Variants in BICRA observed in about 807,000 individuals in gnomAD.
The protein encoded by BICRA is BRD4 interacting chromatin remodeling complex associated protein.
Under a neutral mutation model 96.9 loss-of-function variants are expected in BICRA, and 31 were observed. The ratio of observed to expected loss-of-function variants is 0.32; its 90% CI spans 0.24 to 0.43. The LOEUF is 0.43. BICRA is among the 20% of genes least tolerant of loss of function. The pLI is 1.00. For missense variants in BICRA, 2,283 were observed against 2,190.3 expected (o/e 1.04, Z -0.84); for synonymous variants, 1,350 against 1,071.8 (o/e 1.26, Z -5.07).
chr19:47,697,542 A>G (rs890582506), intron 11 of BICRA, among the ~76,000 whole-genome samples: 2 of 150,866 alleles, frequency 1.3e-5, no homozygotes, highest in East Asian at 2.0e-4. Flanking sequence ...CAGTGGTACA[A>G]TCTCGGCTCA....
At position 47,680,844 on chromosome 19, in the gene BICRA, C is replaced by T. The variant is rs764342455; in HGVS notation, c.1674C>T (p.Pro558=). 6.9e-6 allele frequency: 11 copies of T among 1,587,268 alleles called. No individual in the cohort carries two copies. The highest frequency in any genetic ancestry group is 1.8e-5 in the Admixed American group (1 of 56,940). The part of the protein sequence containing the change: ...QVGQPALFQM[P]VSLAAGSLPT... ...GCCAGCCTGCGCTCTTCCAGATGCC[C>T]GTGTCGCTGGCGGCGGGCAGCCTGC... is the stretch of plus-strand genomic sequence containing the variant. Residue 558 remains proline (P), a synonymous_variant, in exon 6 of 15, where the codon CCC becomes CCT. Coordinates refer to ENST00000594866, the MANE Select transcript of BICRA (RefSeq NM_001394372.1).
Position 47,701,316 on chromosome 19 carries a change from C to T in BICRA, c.3596-12C>T, listed in dbSNP as rs762004712. The T allele has an allele frequency of 8.7e-6, 14 of 1,605,184 alleles. No individual in the cohort carries two copies. In the East Asian group the frequency reaches 2.9e-4, roughly 33 times the overall value. On this transcript the variant is annotated splice_polypyrimidine_tract_variant and intron_variant, in intron 14 of 14. Coordinates refer to ENST00000594866, the MANE Select transcript of BICRA (RefSeq NM_001394372.1). The surrounding 1 kb of genome is among the most constrained non-coding windows in gnomAD (Gnocchi z 5.4). ...CCTAACCCCGCGGGTTTTCTTTGCCCCGATTCTGCAGACGAGTACGTGTCT... is the reference window on the plus strand; with the variant it reads ...CCTAACCCCGCGGGTTTTCTTTGCCTCGATTCTGCAGACGAGTACGTGTCT...
At chr19:47,609,190 A>G (rs1555782989) in intron 1 of BICRA, 22 bp downstream of exon 1, 1 of 149,652 alleles carries the variant, frequency 6.7e-6, no homozygotes, top group Non-Finnish European at 1.5e-5. Flanking sequence ...ACAATGTAGC[A>G]ATTTCTCTTT....
chr19:47,696,839 G>T (rs1439483916), intron 11 of BICRA, among the ~76,000 whole-genome samples: 1 of 151,554 alleles, frequency 6.6e-6, no homozygotes, highest in Non-Finnish European at 1.5e-5. Flanking sequence ...CTGGGTGGGT[G>T]AAGTGATGGG....
Position 47,701,168 on chromosome 19 carries a change from G to C in BICRA, c.3596-160G>C. On this transcript the variant is annotated intron_variant, in intron 14 of 14. Transcript: ENST00000594866. The surrounding 1 kb of genome is among the most constrained non-coding windows in gnomAD (Gnocchi z 5.4). ...TTAGAGTTGGGGGAATTTGGGCCTT[G>C]CTGAAGAGGGTCTCACCAAGCCTAT... 1 of 614,714 alleles carries C rather than the reference G, an allele frequency of 1.6e-6. No homozygotes were observed. Among genetic ancestry groups the C allele is most frequent in the East Asian group, 2.8e-5 (1 of 36,022 alleles). The allele number at this position is 614,714 out of a possible 1,614,324, so 38.1% of individuals were successfully genotyped here.
At chr19:47,628,255 G>A (rs1972169477) in intron 1 of BICRA, among the ~76,000 whole-genome samples, 1 of 152,156 alleles carries the variant, frequency 6.6e-6, no homozygotes, top group Admixed American at 6.6e-5. Context: ...CAGTTTTCTA[G>A]ACTTGCACAC....
intron 1 of BICRA, among the ~76,000 whole-genome samples, chr19:47,652,989 A>G (rs1202867224): frequency 7.0e-6 from 1 of 143,734 alleles, no homozygotes; most frequent in Non-Finnish European, 1.5e-5. Flanking sequence ...ATCTTTCCCT[A>G]TCAGTACACA....
chr19:47,696,363 C>A (rs1973342358), intron 10 of BICRA, 88 bp from the exon 11 acceptor site: 1 of 1,253,920 alleles, frequency 8.0e-7, no homozygotes, highest in Non-Finnish European at 1.1e-6. Flanking sequence ...TCCCCTGTCC[C>A]GTCTTTATCC....
intron 1 of BICRA, among the ~76,000 whole-genome samples, chr19:47,638,598 C>T (rs530845910): frequency 8.1e-4 from 99 of 122,274 alleles, no homozygotes; most frequent in Admixed American, 1.2e-3. Flanking sequence ...CTCTCTGTTT[C>T]TCTCTCTCTC....
rs866153315 is a variant in BICRA at position 47,680,091 on chromosome 19, C to G, written c.921C>G (p.Phe307Leu). ...CCACGCTCAATGGGAACTCTGTGTT[C>G]GGAGGCGCGGGGGCCGCCTCGGCTC... The part of the protein sequence containing the change: ...VATTLNGNSV[F>L]GGAGAASAPT... The change falls in exon 6 of 15, where the codon TTC becomes TTG. Residue 307 changes from phenylalanine (F) to leucine (L), a missense_variant. Transcript: ENST00000594866. 6.4e-7 allele frequency: 1 copy of G among 1,555,294 alleles called. No homozygotes were observed. Among genetic ancestry groups the G allele is most frequent in the African/African-American group, 1.4e-5 (1 of 72,284 alleles).
At chr19:47,673,044 C>G (rs1972889608) in intron 2 of BICRA, among the ~76,000 whole-genome samples, 1 of 152,128 alleles carries the variant, frequency 6.6e-6, no homozygotes, top group East Asian at 1.9e-4. Flanking sequence ...CACTGGCTCC[C>G]TCACTCCTTC....
Position 47,701,068 on chromosome 19 carries a change from T to G in BICRA, c.3596-260T>G. 6.0e-6 allele frequency: 3 copies of G among 496,418 alleles called. No homozygotes were observed. The highest frequency in any genetic ancestry group is 5.3e-4 in the Middle Eastern group (1 of 1,870). The allele number at this position is 496,418 out of a possible 1,614,324, so 30.8% of individuals were successfully genotyped here. ...GCTGGGATTACAGGCCTGAGCCTTG[T>G]TTTGTATTCTCTTAATTTACTTATG... On this transcript the variant is annotated intron_variant, in intron 14 of 14. Coordinates refer to ENST00000594866, the MANE Select transcript of BICRA (RefSeq NM_001394372.1). The surrounding 1 kb of genome is among the most constrained non-coding windows in gnomAD (Gnocchi z 5.4).
intron 1 of BICRA, among the ~76,000 whole-genome samples, chr19:47,639,304 T>G (rs7249680): frequency 0.73 from 104,073 of 143,500 alleles, 38,217 homozygotes; most frequent in African/African-American, 0.83. Context: ...CATGATGCCT[T>G]GCACCCCACC....
chr19:47,696,647 G>T, intron 11 of BICRA, 135 bp downstream of exon 11: 1 of 744,020 alleles, frequency 1.3e-6, no homozygotes. Flanking sequence ...TAGCGATGTA[G>T]TTCCCTCATA....
At chr19:47,608,803 C>G (rs1403621884), upstream of BICRA, among the ~76,000 whole-genome samples, 4 of 150,440 alleles carry the variant, frequency 2.7e-5, no homozygotes, top group African/African-American at 9.8e-5. Flanking sequence ...GGCGGGGATT[C>G]CTGAAGCCCC....
Position 47,695,439 on chromosome 19 carries a change from G to T in BICRA, c.3151G>T (p.Ala1051Ser). 6.3e-7 allele frequency: 1 copy of T among 1,581,596 alleles called. No homozygotes were observed. The highest frequency in any genetic ancestry group is 8.6e-7 in the Non-Finnish European group (1 of 1,161,432). Residue 1051 changes from alanine to serine, a missense_variant, in exon 10 of 15, where the codon GCT becomes TCT. By Grantham distance (99) the Ala-to-Ser change is moderately conservative. Transcript: ENST00000594866. ...CCCGACCCTGAATGTGGCCAAGGCCGCTTCCTCCGGGCCAGGGAAGCCCTC... is the reference window on the plus strand; with the variant it reads ...CCCGACCCTGAATGTGGCCAAGGCCTCTTCCTCCGGGCCAGGGAAGCCCTC... ...NLPTLNVAKA[A>S]SSGPGKPSGL... is the part of the protein sequence containing the mutation.
chr19:47,657,084 A>C (rs1972629933), intron 1 of BICRA, among the ~76,000 whole-genome samples: 1 of 151,962 alleles, frequency 6.6e-6, no homozygotes, highest in Admixed American at 6.6e-5. Context: ...GATGGTCTCG[A>C]TCTCCCAACC....
At chr19:47,640,568 C>A (rs982294043) in intron 1 of BICRA, among the ~76,000 whole-genome samples, 1 of 150,562 alleles carries the variant, frequency 6.6e-6, no homozygotes, top group African/African-American at 2.4e-5. Flanking sequence ...CTCTGGGGAG[C>A]TGACCTGCCA....
At position 47,699,281 on chromosome 19, in the gene BICRA, G is replaced by A. The variant is rs768352483; in HGVS notation, c.3493-22G>A. 9 of 1,404,806 alleles carry A rather than the reference G, an allele frequency of 6.4e-6. No individual in the cohort carries two copies. Among genetic ancestry groups the A allele is most frequent in the African/African-American group, 4.3e-5 (3 of 70,172 alleles). 87.0% of individuals were successfully genotyped at this position (1,404,806 alleles called of 1,614,324 possible). A position where few individuals can be genotyped will look rare whatever the true frequency, so the allele number is the denominator to read the frequency against. ...CCCCTTCTTGCTGGTTCACTCGCACGTCGTCTTTTCCCCCACCCCAGAGGG... is the reference window on the plus strand; with the variant it reads ...CCCCTTCTTGCTGGTTCACTCGCACATCGTCTTTTCCCCCACCCCAGAGGG... On this transcript the variant is annotated intron_variant, in intron 13 of 14. Transcript: ENST00000594866. The surrounding 1 kb of genome is among the most constrained non-coding windows in gnomAD (Gnocchi z 5.0).
Sources: gnomAD v4.1 joint callset for allele counts (sites outside exome capture counted in the v4.1 genomes callset) on GRCh38, gnomAD v4.1.1 for gene constraint, Gnocchi (gnomAD v3.1) non-coding constraint, MANE v1.5 for transcripts, NCBI Gene and HGNC (gene_info 2026-07-23, HGNC 2026-07-21) for gene names.